Variants in FBN3 observed in about 807,000 individuals in gnomAD.
FBN3 encodes the protein fibrillin 3, also known as fibrillin-3.
A neutral mutation model predicts 330.1 loss-of-function variants in FBN3; 234 were observed. The observed-to-expected ratio is 0.71, with a 90% CI of 0.64 to 0.79. FBN3 has a LOEUF of 0.79. Among genes scored for constraint, FBN3 ranks in the 30% least tolerant of loss-of-function variants. The probability of loss-of-function intolerance (pLI) is 0.00; values close to 1 mark genes in which losing one functional copy is unlikely to be tolerated. For synonymous variants in FBN3, 1,458 were observed against 1,517.3 expected, an observed-to-expected ratio of 0.96 and a Z score of 0.91; for missense variants, 3,606 against 3,886.9, an observed-to-expected ratio of 0.93 and a Z score of 1.92.
chr19:8,120,168 T>TC (rs1209037896), intron 25 of FBN3, among the ~76,000 whole-genome samples: 2 of 147,876 alleles, frequency 1.4e-5, no homozygotes. Context: ...TTTCTTTCTT[T>TC]TTTTTTTTTT....
At position 8,066,237 on chromosome 19, in the gene FBN3, G is replaced by A. The variant is rs967738909; in HGVS notation, c.8112C>T (p.Ser2704=). 7.6e-6 allele frequency: 12 copies of A among 1,575,464 alleles called. No homozygotes were observed. The East Asian group carries it at 9.2e-5, about 12-fold the overall frequency. ...DHQVNLATLD[S]EALLTLGLNL... is the part of the protein sequence containing the mutation. Reference sequence around the variant, plus strand: ...TCAGGCCCAAGGTCAGCAGGGCCTCGGAGTCAAGGGTGGCCAGGTTCACCT... The same window carrying A: ...TCAGGCCCAAGGTCAGCAGGGCCTCAGAGTCAAGGGTGGCCAGGTTCACCT... The change falls in exon 64 of 64, where the codon TCC becomes TCT. Residue 2704 remains serine, a synonymous_variant. Transcript: ENST00000600128.
At position 8,085,511 on chromosome 19, in the gene FBN3, G is replaced by A; in HGVS notation, c.6939C>T (p.Ser2313=). The A allele has an allele frequency of 1.3e-6, 2 of 1,595,052 alleles. No individual in the cohort carries two copies. Among genetic ancestry groups the A allele is most frequent in the Non-Finnish European group, 1.7e-6 (2 of 1,171,472 alleles). The change falls in exon 56 of 64, where the codon TCC becomes TCT. Residue 2313 remains serine, a synonymous_variant. Coordinates refer to ENST00000600128, the MANE Select transcript of FBN3 (RefSeq NM_032447.5). ...EVLQTMCRSL[S]SSSEAVTRAE... ...CCCTGGTGACAGCCTCACTGCTGCT[G>A]GACAGAGACCGGCACATGGTCTGCA...
At chr19:8,105,955 G>C (rs547266752) in intron 38 of FBN3, among the ~76,000 whole-genome samples, 153 bp downstream of exon 38, 1 of 152,302 alleles carries the variant, frequency 6.6e-6, no homozygotes, top group Non-Finnish European at 1.5e-5. Flanking sequence ...AAGGCAGCAA[G>C]AGAGAACTGA....
At chr19:8,091,690 A>T in intron 47 of FBN3, 100 bp from the exon 48 acceptor site, 1 of 1,362,008 alleles carries the variant, frequency 7.3e-7, no homozygotes, top group Non-Finnish European at 1.0e-6. Flanking sequence ...GTGCAGGTCC[A>T]GCCAGGGGCT....
At chr19:8,115,721 TC>T in intron 29 of FBN3, 81 bp from the exon 30 acceptor site, 1 of 1,486,332 alleles carries the variant, frequency 6.7e-7, no homozygotes, top group Non-Finnish European at 9.3e-7. Flanking sequence ...GGGAGGGAGA[TC>T]ACCAGCATTC....
In FBN3 at chr19:8,112,039, ATGT is replaced by A; in HGVS notation, c.3896_3898del (p.Asn1299del). The A allele has an allele frequency of 6.2e-7, 1 of 1,612,210 alleles. No homozygotes were observed. The highest frequency in any genetic ancestry group is 8.5e-7 in the Non-Finnish European group (1 of 1,179,236). ...GCACCTACAGCTGAAACTCCCCGGG[ATGT>A]TGAGACAGGAGGCGTGACTGTCACA... On this transcript the variant is annotated inframe_deletion, in exon 31 of 64. Transcript: ENST00000600128.
Position 8,131,507 on chromosome 19 carries a change from G to A in FBN3, c.1990+47C>T. 2 of 1,562,340 alleles carry A rather than the reference G, an allele frequency of 1.3e-6. No homozygotes were observed. Among genetic ancestry groups the A allele is most frequent in the Non-Finnish European group, 1.7e-6 (2 of 1,150,256 alleles). Reference sequence around the variant, plus strand: ...CCACCAGAAGCGAGAACCGATGGAGGCATTCAGACCAAGGAGGCGATGGGG... The same window carrying A: ...CCACCAGAAGCGAGAACCGATGGAGACATTCAGACCAAGGAGGCGATGGGG... On this transcript the variant is annotated intron_variant, in intron 15 of 63. Transcript: ENST00000600128. This position sits in a 1 kb window ranked among gnomAD's most constrained non-coding sequence, Gnocchi z 4.5.
At chr19:8,132,518 T>C (rs925282724) in intron 14 of FBN3, among the ~76,000 whole-genome samples, 1 of 150,970 alleles carries the variant, frequency 6.6e-6, no homozygotes, top group African/African-American at 2.4e-5. Flanking sequence ...TGAGACGGAG[T>C]CTCACTCTTG....
At chr19:8,086,961 C>T in intron 54 of FBN3, 116 bp downstream of exon 54, 1 of 1,316,398 alleles carries the variant, frequency 7.6e-7, no homozygotes, top group South Asian at 1.4e-5. Flanking sequence ...TCGCCTCAGC[C>T]TCCCAAAGTG....
intron 59 of FBN3, among the ~76,000 whole-genome samples, chr19:8,079,790 A>G (rs1391729426): frequency 6.6e-6 from 1 of 152,008 alleles, no homozygotes; most frequent in Admixed American, 6.6e-5. Context: ...GGGTTTTGTC[A>G]TGTTGGCCAG....
At position 8,082,374 on chromosome 19, in the gene FBN3, CTT is replaced by C. The variant is rs1298165194; in HGVS notation, c.7213+871_7213+872del. On this transcript the variant is annotated intron_variant, in intron 57 of 63. Transcript: ENST00000600128. ...GTCTCTCTCTCTTTCTTTTTTCTTTCTTTCTCTTCTTTCTTCTCTTTTTTCTC... is the reference window on the plus strand; with the variant it reads ...GTCTCTCTCTCTTTCTTTTTTCTTTCTCTCTTCTTTCTTCTCTTTTTTCTC... Among the ~76,000 whole-genome samples the C allele has an allele frequency of 3.2e-3, 464 of 143,946 alleles. 2 individuals are homozygous for C. The highest frequency in any genetic ancestry group is 0.013 in the African/African-American group (451 of 35,690). 94.4% of individuals were successfully genotyped at this position (143,946 alleles called of 152,430 possible).
intron 56 of FBN3, among the ~76,000 whole-genome samples, chr19:8,084,753 A>AT (rs955338222): frequency 3.3e-5 from 5 of 151,192 alleles, no homozygotes; most frequent in African/African-American, 4.9e-5. Flanking sequence ...AATCCAGCTA[A>AT]TTTTTTGTAT....
intron 5 of FBN3, 25 bp downstream of exon 5, chr19:8,145,818 A>C: frequency 6.6e-7 from 1 of 1,520,924 alleles, no homozygotes; most frequent in African/African-American, 1.4e-5. Flanking sequence ...GTGTGCAAAG[A>C]GGGGAGTCCC....
At position 8,129,538 on chromosome 19, in the gene FBN3, C is replaced by A. The variant is rs1402646802; in HGVS notation, c.2045-173G>T. On this transcript the variant is annotated intron_variant, in intron 16 of 63. Coordinates refer to ENST00000600128, the MANE Select transcript of FBN3 (RefSeq NM_032447.5). The surrounding 1 kb of genome is among the most constrained non-coding windows in gnomAD (Gnocchi z 4.5). ...AAACCGAGGTTTCTCAGCCTGGACA[C>A]TGCTGACATTTGGGGCCAGATCATT... is the stretch of plus-strand genomic sequence containing the variant. Among the ~76,000 whole-genome samples the A allele has an allele frequency of 6.6e-6, 1 of 152,188 alleles. No individual in the cohort carries two copies. Among genetic ancestry groups the A allele is most frequent in the Non-Finnish European group, 1.5e-5 (1 of 68,044 alleles).
rs1440228519 is a variant in FBN3 at position 8,066,163 on chromosome 19, G to T, written c.8186C>A (p.Ala2729Asp). 6.2e-7 allele frequency: 1 copy of T among 1,612,766 alleles called. No individual in the cohort carries two copies. Among genetic ancestry groups the T allele is most frequent in the Non-Finnish European group, 8.5e-7 (1 of 1,179,674 alleles). Reference sequence around the variant, plus strand: ...GATCCGGCCCTCTAGACCCTCCAGGGCCGGCCGGAGCTCCAGGATGCGCTC... The same window carrying T: ...GATCCGGCCCTCTAGACCCTCCAGGTCCGGCCGGAGCTCCAGGATGCGCTC... Reference protein sequence around the residue: ...RAERILELRPALEGLEGRIRY... With the variant: ...RAERILELRPDLEGLEGRIRY... The change falls in exon 64 of 64, where the codon GCC (alanine) becomes GAC (aspartate). Residue 2729 changes from alanine to aspartate, a missense_variant. Coordinates refer to ENST00000600128, the MANE Select transcript of FBN3 (RefSeq NM_032447.5).
Position 8,136,545 on chromosome 19 carries a change from C to A in FBN3, c.1202-14G>T, listed in dbSNP as rs373673458. 2 of 1,613,552 alleles carry A rather than the reference C, an allele frequency of 1.2e-6. No homozygotes were observed. The highest frequency in any genetic ancestry group is 2.2e-5 in the South Asian group (2 of 91,044). On this transcript the variant is annotated splice_polypyrimidine_tract_variant and intron_variant, in intron 10 of 63. Transcript: ENST00000600128. ...GGGTAGCAGTGCCTACGGGTGGGGC[C>A]GGCAGAGGCATCTGAGCAGTGGCTG...
At chr19:8,115,751 A>T (rs1443433034) in intron 29 of FBN3, 111 bp from the exon 30 acceptor site, 1 of 1,270,740 alleles carries the variant, frequency 7.9e-7, no homozygotes, top group Non-Finnish European at 1.1e-6. Context: ...CCCGCCGCAC[A>T]GGTCCTCTCT....
chr19:8,111,902 T>C (rs1307555116), intron 31 of FBN3, 75 bp downstream of exon 31: 12 of 451,596 alleles, frequency 2.7e-5, no homozygotes, highest in East Asian at 5.0e-5. Flanking sequence ...ACCCTCCCAC[T>C]GCCTTGCCCC....
At chr19:8,117,624 C>T in intron 26 of FBN3, 35 bp from the exon 27 acceptor site, 1 of 1,498,128 alleles carries the variant, frequency 6.7e-7, no homozygotes. Flanking sequence ...CGGGCCTGTG[C>T]CCCATCTGCC....
Sources: allele counts gnomAD v4.1 joint callset (sites outside exome capture counted in the v4.1 genomes callset), GRCh38; gene constraint gnomAD v4.1.1; non-coding constraint Gnocchi (gnomAD v3.1); transcripts MANE v1.5; gene names NCBI Gene and HGNC (gene_info 2026-07-23, HGNC 2026-07-21).